KDM4C: variants seen among roughly 807,000 people sequenced by gnomAD.
The protein encoded by KDM4C is lysine demethylase 4C, also known as lysine-specific demethylase 4C.
KDM4C carries 81 observed loss-of-function variants against 129.3 expected under a neutral mutation model. The observed-to-expected ratio is 0.63, with a 90% confidence interval of 0.52 to 0.75. The LOEUF (loss-of-function observed/expected upper bound fraction) is 0.75, where lower values mean the gene tolerates loss of function less well. KDM4C is among the 30% of genes least tolerant of loss of function. KDM4C has a pLI of 0.00. For synonymous variants in KDM4C, 573 were observed against 456.1 expected (o/e 1.26, Z -3.26); for missense variants, 1,457 against 1,304.0 (o/e 1.12, Z -1.81).
intron 11 of KDM4C, among the ~76,000 whole-genome samples, chr9:6,988,378 T>G (rs1163642815): frequency 1.3e-5 from 2 of 151,980 alleles, no homozygotes; most frequent in Non-Finnish European, 2.9e-5. Context: ...CTAGTGCTGT[T>G]TATCTTCATC....
At chr9:6,746,911 C>A (rs1253657208) in intron 1 of KDM4C, among the ~76,000 whole-genome samples, 1 of 138,308 alleles carries the variant, frequency 7.2e-6, no homozygotes, top group Non-Finnish European at 1.5e-5. Flanking sequence ...GAGGCTGAGG[C>A]AGGAGAATGG....
intron 8 of KDM4C, chr9:6,925,258 C>G: frequency 1.0e-6 from 1 of 985,230 alleles, no homozygotes; most frequent in South Asian, 4.7e-5. Context: ...TTATGAACAG[C>G]ATTGTAGGAG....
intron 17 of KDM4C, among the ~76,000 whole-genome samples, chr9:7,086,826 T>C (rs1395468115): frequency 6.6e-6 from 1 of 152,184 alleles, no homozygotes; most frequent in African/African-American, 2.4e-5. Context: ...AAACATACTT[T>C]TTTCTAAAGT....
At chr9:6,790,453 C>T (rs1309241547) in intron 1 of KDM4C, among the ~76,000 whole-genome samples, 4 of 150,080 alleles carry the variant, frequency 2.7e-5, no homozygotes, top group African/African-American at 4.9e-5. Context: ...GGGGTTTCAC[C>T]GTGTTAGCCA....
intron 1 of KDM4C, among the ~76,000 whole-genome samples, chr9:6,768,092 A>T (rs1474568115): frequency 6.6e-6 from 1 of 152,150 alleles, no homozygotes; most frequent in East Asian, 1.9e-4. Context: ...TCTGTCTAAA[A>T]TTCCCTTTTA....
At chr9:6,939,368 C>A (rs1825425358) in intron 8 of KDM4C, among the ~76,000 whole-genome samples, 1 of 152,048 alleles carries the variant, frequency 6.6e-6, no homozygotes, top group Non-Finnish European at 1.5e-5. Context: ...GGCCTAGTTG[C>A]AGGAAAACAA....
intron 4 of KDM4C, among the ~76,000 whole-genome samples, chr9:6,832,092 A>T (rs2131324233): frequency 6.6e-6 from 1 of 152,160 alleles, no homozygotes; most frequent in East Asian, 1.9e-4. Flanking sequence ...TAATCCCAGC[A>T]CTCTGGGAGT....
intron 8 of KDM4C, among the ~76,000 whole-genome samples, chr9:6,906,350 C>G (rs1472293808): frequency 6.6e-6 from 1 of 152,188 alleles, no homozygotes; most frequent in African/African-American, 2.4e-5. Flanking sequence ...CTCCAGGCAA[C>G]ACTATGGAAG....
At chr9:6,836,387 T>G (rs1835881698) in intron 4 of KDM4C, among the ~76,000 whole-genome samples, 1 of 152,100 alleles carries the variant, frequency 6.6e-6, no homozygotes, top group South Asian at 2.1e-4. Context: ...AATAAATAAA[T>G]AAATCAGCTT....
chr9:6,850,215 A>G (rs1270642780), intron 5 of KDM4C, among the ~76,000 whole-genome samples: 1 of 152,242 alleles, frequency 6.6e-6, no homozygotes, highest in African/African-American at 2.4e-5. Context: ...CTCAGAAACT[A>G]TCACTGTTAT....
intron 14 of KDM4C, among the ~76,000 whole-genome samples, chr9:7,015,090 TG>T (rs1281779274): frequency 6.6e-6 from 1 of 152,292 alleles, no homozygotes; most frequent in East Asian, 1.9e-4. Context: ...CATTATTTCA[TG>T]GACATGGTTA....
At chr9:6,793,741 C>T (rs556528506) in intron 2 of KDM4C, among the ~76,000 whole-genome samples, 2 of 152,130 alleles carry the variant, frequency 1.3e-5, no homozygotes, top group East Asian at 3.9e-4. Context: ...CGGGGTTTCA[C>T]CATGTTGGCC....
At chr9:6,771,306 A>T (rs1340789342) in intron 1 of KDM4C, among the ~76,000 whole-genome samples, 1 of 150,814 alleles carries the variant, frequency 6.6e-6, no homozygotes, top group Admixed American at 6.6e-5. Context: ...AAGTATTTCA[A>T]TTTTTTTAAT....
chr9:7,003,696 A>C (rs1821142538), intron 12 of KDM4C, among the ~76,000 whole-genome samples: 1 of 152,138 alleles, frequency 6.6e-6, no homozygotes, highest in Non-Finnish European at 1.5e-5. Context: ...ATTTTTCCTC[A>C]ATGTCATCAC....
intron 10 of KDM4C, among the ~76,000 whole-genome samples, chr9:6,986,068 A>G (rs779954637): frequency 1.1e-4 from 16 of 152,180 alleles, no homozygotes; most frequent in Non-Finnish European, 1.8e-4. Flanking sequence ...AAGGGCCCTG[A>G]ATTTCATTAG....
At chr9:6,770,935 C>T (rs1425116101) in intron 1 of KDM4C, among the ~76,000 whole-genome samples, 1 of 151,682 alleles carries the variant, frequency 6.6e-6, no homozygotes, top group African/African-American at 2.4e-5. Context: ...GCCACCACTC[C>T]CAGCTAATTT....
chr9:7,034,828 A>T (rs1827359174), intron 15 of KDM4C, among the ~76,000 whole-genome samples: 1 of 152,066 alleles, frequency 6.6e-6, no homozygotes, highest in African/African-American at 2.4e-5. Flanking sequence ...CCACGTCCTT[A>T]CCAGTATTTG....
At position 6,986,456 on chromosome 9, in the gene KDM4C, A is replaced by G. The variant is rs200624043; in HGVS notation, c.1467A>G (p.Pro489=). 125 of 1,614,098 alleles carry G rather than the reference A, an allele frequency of 7.7e-5. No individual in the cohort carries two copies. The East Asian group carries it at 2.2e-3, about 28-fold the overall frequency. ...SISSEADDSI[P]LSSGYEKPEK... ...CCAGTGAGGCTGATGATTCCATTCCATTGTCTAGTGGCTATGAGAAGCCCG... is the reference window on the plus strand; with the variant it reads ...CCAGTGAGGCTGATGATTCCATTCCGTTGTCTAGTGGCTATGAGAAGCCCG... Residue 489 remains proline, a synonymous_variant, in exon 11 of 22, where the codon CCA becomes CCG. Transcript: ENST00000381309.
intron 17 of KDM4C, among the ~76,000 whole-genome samples, chr9:7,094,886 A>C (rs1836241682): frequency 6.6e-6 from 1 of 152,208 alleles, no homozygotes; most frequent in Admixed American, 6.5e-5. Flanking sequence ...AGAACAATTC[A>C]TGGGTGACAG....
Sources: allele counts gnomAD v4.1 joint callset (sites outside exome capture counted in the v4.1 genomes callset), GRCh38; gene constraint gnomAD v4.1.1; transcripts MANE v1.5; gene names NCBI Gene and HGNC (gene_info 2026-07-23, HGNC 2026-07-21).